Variants in FBXO42 observed in about 807,000 individuals in gnomAD.
FBXO42 encodes F-box protein 42, also known as F-box only protein 42.
FBXO42 carries 12 observed loss-of-function variants against 71.7 expected under a neutral mutation model. The observed-to-expected ratio is 0.17, with a 90% CI of 0.11 to 0.27. The LOEUF is 0.27. FBXO42 is among the 10% of genes least tolerant of loss of function. FBXO42 has a pLI of 1.00. For missense variants in FBXO42, 707 were observed against 911.9 expected (o/e 0.78, Z 2.89); for synonymous variants, 325 against 327.5 (o/e 0.99, Z 0.08).
chr1:16,255,967 T>A (rs956829084), intron 5 of FBXO42, 146 bp from the exon 6 acceptor site: 4 of 611,378 alleles, frequency 6.5e-6, no homozygotes, highest in Non-Finnish European at 8.4e-6. Flanking sequence ...GCATAATGTA[T>A]TTATGCCTTT....
intron 4 of FBXO42, among the ~76,000 whole-genome samples, chr1:16,271,591 T>C (rs1345612970): frequency 6.6e-6 from 1 of 151,936 alleles, no homozygotes; most frequent in African/African-American, 2.4e-5. Context: ...CCTAACTACC[T>C]TTCTAATACC....
intron 1 of FBXO42, among the ~76,000 whole-genome samples, chr1:16,321,900 G>C (rs540627960): frequency 6.6e-6 from 1 of 152,254 alleles, no homozygotes; most frequent in South Asian, 2.1e-4. Flanking sequence ...CAGGCGTGGT[G>C]GCTCACGCCT....
intron 1 of FBXO42, among the ~76,000 whole-genome samples, chr1:16,321,686 C>A (rs1569921098): frequency 7.0e-6 from 1 of 143,074 alleles, no homozygotes; most frequent in Admixed American, 7.0e-5. Context: ...GTGCTGAGCT[C>A]GCAAGGGTTT....
In FBXO42 at chr1:16,256,707, C is replaced by T. The variant is rs2081649148; in HGVS notation, c.555G>A (p.Leu185=). 5.0e-6 allele frequency: 8 copies of T among 1,614,054 alleles called. No homozygotes were observed. The Admixed American group carries it at 1.0e-4, about 20-fold the overall frequency. ...GCGTCCAGCCACCAAACAGCACTAG[C>T]AAGTCCTTGTACACGACCAGAGTTG... ...AGATLVVYKD[L]LVLFGGWTRP... The change falls in exon 5 of 10, where the codon TTG becomes TTA. Residue 185 remains leucine, a synonymous_variant. Transcript: ENST00000375592.
chr1:16,321,877 T>C (rs1324453978), intron 1 of FBXO42, among the ~76,000 whole-genome samples: 1 of 152,064 alleles, frequency 6.6e-6, no homozygotes, highest in African/African-American at 2.4e-5. Context: ...TAATAGAAAT[T>C]ACATCATTAG....
chr1:16,263,689 C>G (rs1042736695), intron 4 of FBXO42, among the ~76,000 whole-genome samples: 9 of 150,922 alleles, frequency 6.0e-5, no homozygotes, highest in Non-Finnish European at 1.3e-4. Context: ...CACCGTTGCA[C>G]TCCAGCCTGG....
intron 4 of FBXO42, among the ~76,000 whole-genome samples, chr1:16,279,854 CTT>C (rs1553151074): frequency 5.8e-5 from 8 of 138,192 alleles, no homozygotes; most frequent in African/African-American, 2.2e-4. Context: ...TTTTTTTTTT[CTT>C]TTTTTTTTGA....
intron 1 of FBXO42, among the ~76,000 whole-genome samples, chr1:16,333,440 C>T (rs921752550): frequency 1.5e-5 from 2 of 135,420 alleles, no homozygotes; most frequent in Admixed American, 7.3e-5. Flanking sequence ...AGTGAGACCC[C>T]CCCCCCCCAT....
intron 4 of FBXO42, among the ~76,000 whole-genome samples, chr1:16,279,069 C>T (rs115029976): frequency 0.024 from 3,582 of 152,294 alleles, 140 homozygotes; most frequent in African/African-American, 0.081. Context: ...AGCCACCGCG[C>T]CCAGCCTAGA....
chr1:16,270,841 C>A (rs1451610435), intron 4 of FBXO42, among the ~76,000 whole-genome samples: 1 of 149,048 alleles, frequency 6.7e-6, no homozygotes, highest in Admixed American at 6.7e-5. Context: ...GTACTAGAGT[C>A]AGCAGTGACT....
At chr1:16,263,849 C>T (rs1439456247) in intron 4 of FBXO42, among the ~76,000 whole-genome samples, 2 of 119,224 alleles carry the variant, frequency 1.7e-5, no homozygotes, top group Non-Finnish European at 3.5e-5. Flanking sequence ...TCACTCTTTT[C>T]GCCCAGGCTG....
At chr1:16,315,602 A>G (rs1272745249) in intron 1 of FBXO42, among the ~76,000 whole-genome samples, 167 bp from the exon 2 acceptor site, 1 of 152,188 alleles carries the variant, frequency 6.6e-6, no homozygotes, top group Non-Finnish European at 1.5e-5. Context: ...CGACAGGTAC[A>G]GCTCAAATAC....
At chr1:16,315,095 A>G in intron 2 of FBXO42, 74 bp downstream of exon 2, 2 of 1,505,074 alleles carry the variant, frequency 1.3e-6, no homozygotes, top group Non-Finnish European at 1.8e-6. Flanking sequence ...GAGGAAAAAA[A>G]CTAAATTTGG....
chr1:16,333,280 A>C (rs2082519450), intron 1 of FBXO42, among the ~76,000 whole-genome samples: 4 of 152,124 alleles, frequency 2.6e-5, no homozygotes, highest in Admixed American at 2.6e-4. Context: ...ACCACTTCAT[A>C]AGTTACAATT....
At chr1:16,341,603 G>A (rs1272342971) in intron 1 of FBXO42, among the ~76,000 whole-genome samples, 3 of 93,630 alleles carry the variant, frequency 3.2e-5, no homozygotes, top group Admixed American at 1.4e-4. Context: ...GTGAGACTGC[G>A]TCTTTTAAAA....
rs201738656 is a variant in FBXO42 at position 16,255,693 on chromosome 1, C to A, written c.767+18G>T. 1 of 1,604,278 alleles carries A rather than the reference C, an allele frequency of 6.2e-7. No homozygotes were observed. The highest frequency in any genetic ancestry group is 8.5e-7 in the Non-Finnish European group (1 of 1,172,254). ...TATTTACCTTCAGGCTCATATGGAG[C>A]AAACCAAATGTACTTACATTTGCCG... On this transcript the variant is annotated intron_variant, in intron 6 of 9. Transcript: ENST00000375592.
intron 4 of FBXO42, among the ~76,000 whole-genome samples, chr1:16,268,516 C>A (rs2081802531): frequency 6.6e-6 from 1 of 152,140 alleles, no homozygotes; most frequent in African/African-American, 2.4e-5. Flanking sequence ...TACAGGACTG[C>A]AAAGGGCTAC....
At chr1:16,297,070 G>C (rs1429013589) in intron 3 of FBXO42, among the ~76,000 whole-genome samples, 1 of 151,726 alleles carries the variant, frequency 6.6e-6, no homozygotes, top group Non-Finnish European at 1.5e-5. Context: ...TCCCGAGTAG[G>C]TGTAACTGGG....
Position 16,251,201 on chromosome 1 carries a change from A to G in FBXO42, c.1623T>C (p.Pro541=). ...PEQTNGVHTP[P]HVASALAGAV... The stretch of plus-strand genomic sequence containing the variant: ...CCCCTGCAAGGGCACTGGCCACGTG[A>G]GGTGGGGTATGCACACCATTTGTCT... Residue 541 remains proline (P), a synonymous_variant, in exon 10 of 10, where the codon CCT becomes CCC. Transcript: ENST00000375592. The surrounding 1 kb of genome is among the most constrained non-coding windows in gnomAD (Gnocchi z 4.5). 6.2e-7 allele frequency: 1 copy of G among 1,614,110 alleles called. No individual in the cohort carries two copies. Among genetic ancestry groups the G allele is most frequent in the Non-Finnish European group, 8.5e-7 (1 of 1,180,030 alleles).
Sources: gnomAD v4.1 joint callset for allele counts (sites outside exome capture counted in the v4.1 genomes callset) on GRCh38, gnomAD v4.1.1 for gene constraint, Gnocchi (gnomAD v3.1) non-coding constraint, MANE v1.5 for transcripts, NCBI Gene and HGNC (gene_info 2026-07-23, HGNC 2026-07-21) for gene names.